The following SUGCT variants were observed in gnomAD, a reference collection of about 807,000 sequenced individuals.
The protein encoded by SUGCT is succinyl-CoA:glutarate-CoA transferase, also known as succinyl-CoA:glutarate CoA-transferase.
A neutral mutation model predicts 55.0 loss-of-function variants in SUGCT; 41 were observed. The ratio of observed to expected loss-of-function variants is 0.74; its 90% CI spans 0.58 to 0.97. The LOEUF is 0.97. Among genes scored for constraint, SUGCT ranks in the 50% least tolerant of loss-of-function variants. SUGCT has a pLI of 0.00. For synonymous variants in SUGCT, 187 were observed against 200.4 expected (o/e 0.93, Z 0.56); for missense variants, 568 against 547.8 (o/e 1.04, Z -0.37).
intron 11 of SUGCT, among the ~76,000 whole-genome samples, chr7:40,473,856 C>T (rs1404354331): frequency 6.6e-6 from 1 of 152,076 alleles, no homozygotes; most frequent in Non-Finnish European, 1.5e-5. Flanking sequence ...AAGTAAGAGT[C>T]CTTGGGTGGC....
intron 12 of SUGCT, among the ~76,000 whole-genome samples, chr7:40,562,593 A>G (rs1205584942): frequency 1.3e-5 from 2 of 152,128 alleles, no homozygotes; most frequent in Non-Finnish European, 2.9e-5. Flanking sequence ...CAGTGTGGGA[A>G]AGGTGGAGAG....
chr7:40,522,140 G>T (rs748961682), intron 12 of SUGCT, among the ~76,000 whole-genome samples: 10 of 152,030 alleles, frequency 6.6e-5, no homozygotes, highest in African/African-American at 1.4e-4. Context: ...ACTTCATTTT[G>T]TCTATGGTTC....
intron 1 of SUGCT, among the ~76,000 whole-genome samples, chr7:40,136,059 C>T (rs1051113426): frequency 9.3e-5 from 14 of 151,286 alleles, no homozygotes; most frequent in Non-Finnish European, 1.6e-4. Context: ...TGCAGTGGCG[C>T]GATCTTGGTT....
chr7:40,561,142 G>A (rs1795814105), intron 12 of SUGCT, among the ~76,000 whole-genome samples: 1 of 152,166 alleles, frequency 6.6e-6, no homozygotes, highest in Admixed American at 6.5e-5. Flanking sequence ...AGTGGGTAAG[G>A]CCTAATACAA....
At chr7:40,629,104 G>C (rs1799663994) in intron 12 of SUGCT, among the ~76,000 whole-genome samples, 1 of 152,138 alleles carries the variant, frequency 6.6e-6, no homozygotes, top group Non-Finnish European at 1.5e-5. Context: ...ACTTGGGATG[G>C]AATGCAGGAA....
rs143148686 is a variant in SUGCT at position 40,387,371 on chromosome 7, T to A, written c.817-61916T>A. ...CGGATACATGGCCCACATGTAAGACTGACACAAAGGCAGGAAATCTATGGA... is the reference window on the plus strand; with the variant it reads ...CGGATACATGGCCCACATGTAAGACAGACACAAAGGCAGGAAATCTATGGA... On this transcript the variant is annotated intron_variant, in intron 9 of 13. Coordinates refer to ENST00000335693, the MANE Select transcript of SUGCT (RefSeq NM_001193313.2). 3.0e-3 allele frequency among the ~76,000 whole-genome samples: 456 copies of A among 152,272 alleles called. 2 individuals carry two copies. Among genetic ancestry groups the A allele is most frequent in the African/African-American group, 0.01 (434 of 41,548 alleles).
intron 11 of SUGCT, among the ~76,000 whole-genome samples, chr7:40,491,609 T>C (rs17171720): frequency 6.6e-6 from 1 of 151,942 alleles, no homozygotes; most frequent in Non-Finnish European, 1.5e-5. Context: ...TGCATAGAGA[T>C]GACAAGATGG....
intron 12 of SUGCT, among the ~76,000 whole-genome samples, chr7:40,658,958 A>G (rs1801168540): frequency 6.6e-6 from 1 of 152,094 alleles, no homozygotes; most frequent in Non-Finnish European, 1.5e-5. Flanking sequence ...GACTCATTTC[A>G]TTCCTAGGAA....
At chr7:40,378,367 C>T (rs1002007904) in intron 9 of SUGCT, among the ~76,000 whole-genome samples, 2 of 152,200 alleles carry the variant, frequency 1.3e-5, no homozygotes, top group Admixed American at 1.3e-4. Flanking sequence ...TTCAAAGTTA[C>T]TGATTCTTCT....
intron 9 of SUGCT, among the ~76,000 whole-genome samples, chr7:40,432,411 G>C (rs1250892890): frequency 6.6e-6 from 1 of 152,102 alleles, no homozygotes; most frequent in African/African-American, 2.4e-5. Flanking sequence ...TCCTTGGCCA[G>C]GTGCGGTGGC....
chr7:40,359,775 A>G (rs971500747), intron 9 of SUGCT, among the ~76,000 whole-genome samples: 16 of 152,178 alleles, frequency 1.1e-4, no homozygotes, highest in African/African-American at 3.9e-4. Context: ...AAATGAGACA[A>G]CATGTGTCAA....
intron 7 of SUGCT, among the ~76,000 whole-genome samples, chr7:40,261,047 G>A (rs971247732): frequency 2.0e-5 from 3 of 151,990 alleles, no homozygotes; most frequent in Middle Eastern, 3.2e-3. Context: ...TGAAAAAGTT[G>A]TTATAATTGG....
intron 12 of SUGCT, among the ~76,000 whole-genome samples, chr7:40,661,365 C>A (rs1801294150): frequency 6.6e-6 from 1 of 152,124 alleles, no homozygotes; most frequent in African/African-American, 2.4e-5. Context: ...TTACCATTAT[C>A]CCCTTTCTGT....
chr7:40,373,457 A>T (rs1038747595), intron 9 of SUGCT, among the ~76,000 whole-genome samples: 1 of 151,632 alleles, frequency 6.6e-6, no homozygotes, highest in African/African-American at 2.4e-5. Flanking sequence ...AGATTTAGAA[A>T]AATGAATTCC....
At position 40,291,069 on chromosome 7, in the gene SUGCT, A is replaced by G. The variant is rs531858544; in HGVS notation, c.720+16413A>G. On this transcript the variant is annotated intron_variant, in intron 8 of 13. Transcript: ENST00000335693. The stretch of plus-strand genomic sequence containing the variant: ...TACACTGTTGGTGGGACTGTAAACT[A>G]GTTCAACCATTGTGGAAGTCAGTGT... 1.6e-4 allele frequency among the ~76,000 whole-genome samples: 24 copies of G among 152,236 alleles called. No homozygotes were observed. The South Asian group carries it at 5.0e-3, about 32-fold the overall frequency.
the SUGCT span, among the ~76,000 whole-genome samples, chr7:40,976,126 T>C: frequency 9.9e-5 from 15 of 152,186 alleles, no homozygotes; most frequent in Non-Finnish European, 1.8e-4. Flanking sequence ...CTAATAGCAA[T>C]TTTCACAGAA....
the SUGCT span, among the ~76,000 whole-genome samples, chr7:40,878,942 C>T: frequency 2.5e-4 from 38 of 152,004 alleles, no homozygotes; most frequent in Middle Eastern, 3.4e-3. Context: ...TACAGGCACC[C>T]GCCACCACGC....
intron 13 of SUGCT, among the ~76,000 whole-genome samples, chr7:40,838,502 GT>G (rs1793105412): frequency 6.6e-6 from 1 of 152,048 alleles, no homozygotes. Context: ...ATTTCATTTT[GT>G]TTGGAGTAAT....
intron 9 of SUGCT, among the ~76,000 whole-genome samples, chr7:40,410,851 A>G (rs1250072699): frequency 6.6e-6 from 1 of 152,184 alleles, no homozygotes; most frequent in Non-Finnish European, 1.5e-5. Context: ...GATCTAGGCC[A>G]GTCTGACTTT....
Sources: gnomAD v4.1 joint callset for allele counts (sites outside exome capture counted in the v4.1 genomes callset) on GRCh38, gnomAD v4.1.1 for gene constraint, MANE v1.5 for transcripts, NCBI Gene and HGNC (gene_info 2026-07-23, HGNC 2026-07-21) for gene names.